Variants in NECTIN2 observed in about 807,000 individuals in gnomAD.
The protein encoded by NECTIN2 is nectin-2.
Under a neutral mutation model 56.9 loss-of-function variants are expected in NECTIN2, and 23 were observed. The ratio of observed to expected loss-of-function variants is 0.40; its 90% confidence interval spans 0.29 to 0.57. The LOEUF is 0.57. Among genes scored for constraint, NECTIN2 ranks in the 20% least tolerant of loss-of-function variants. NECTIN2 has a pLI of 0.38. For synonymous variants in NECTIN2, 302 were observed against 313.8 expected (o/e 0.96, Z 0.40); for missense variants, 587 against 718.3 (o/e 0.82, Z 2.09).
intron 3 of NECTIN2, 84 bp from the exon 4 acceptor site, chr19:44,873,832 T>C (rs1969204770): frequency 1.9e-6 from 2 of 1,046,090 alleles, no homozygotes. Flanking sequence ...GCCCCGTTTC[T>C]TTAGCATTCC....
chr19:44,853,479 G>A (rs185811184), intron 1 of NECTIN2, among the ~76,000 whole-genome samples: 72 of 147,650 alleles, frequency 4.9e-4, no homozygotes, highest in African/African-American at 1.8e-3. Context: ...ACAGGCGTGA[G>A]CCACCACAGC....
Position 44,874,377 on chromosome 19 carries a change from T to C in NECTIN2, c.941T>C (p.Leu314Pro). 6.2e-7 allele frequency: 1 copy of C among 1,614,172 alleles called. No individual in the cohort carries two copies. The highest frequency in any genetic ancestry group is 8.5e-7 in the Non-Finnish European group (1 of 1,180,008). The change falls in exon 5 of 9, where the codon CTG (leucine) becomes CCG (proline). Residue 314 changes from leucine to proline, a missense_variant. Transcript: ENST00000252483. The surrounding 1 kb of genome is among the most constrained non-coding windows in gnomAD (Gnocchi z 6.3). ...PTSAVAQGSQ[L>P]VIHAVDSLFN... Reference sequence around the variant, plus strand: ...TCCGCAGTGGCCCAGGGCTCCCAGCTGGTCATCCACGCAGTGGACAGTCTG... The same window carrying C: ...TCCGCAGTGGCCCAGGGCTCCCAGCCGGTCATCCACGCAGTGGACAGTCTG...
intron 5 of NECTIN2, chr19:44,878,370 CAGG>C (rs749323439): frequency 7.7e-6 from 12 of 1,553,402 alleles, no homozygotes; most frequent in Middle Eastern, 1.7e-4. Context: ...CCTGGAGGAG[CAGG>C]AGGAGGAGCC....
Position 44,885,675 on chromosome 19 carries a change from C to T in NECTIN2, c.1197-262C>T, listed in dbSNP as rs1004899290. Among the ~76,000 whole-genome samples, 4 of 152,154 alleles carry T rather than the reference C, an allele frequency of 2.6e-5. No homozygotes were observed. In the East Asian group the frequency reaches 7.7e-4, roughly 29 times the overall value. On this transcript the variant is annotated intron_variant, in intron 6 of 8. Coordinates refer to ENST00000252483, the MANE Select transcript of NECTIN2 (RefSeq NM_001042724.2). The stretch of plus-strand genomic sequence containing the variant: ...GGCATGGTAATTATAAATAACATTT[C>T]AAGTACAAATTCAGTAAGTGCCCTG...
chr19:44,883,538 G>T (rs566906530), intron 6 of NECTIN2, among the ~76,000 whole-genome samples: 1 of 152,316 alleles, frequency 6.6e-6, no homozygotes, highest in African/African-American at 2.4e-5. Context: ...GCCTCCCAAA[G>T]TGCTAAGATC....
intron 1 of NECTIN2, among the ~76,000 whole-genome samples, chr19:44,862,109 A>G (rs1047456787): frequency 3.3e-5 from 5 of 152,232 alleles, no homozygotes; most frequent in Non-Finnish European, 7.3e-5. Flanking sequence ...CCCATCATGG[A>G]TAGACTGGAT....
chr19:44,876,536 C>T (rs962044440), intron 5 of NECTIN2, among the ~76,000 whole-genome samples: 1 of 152,130 alleles, frequency 6.6e-6, no homozygotes, highest in East Asian at 1.9e-4. Context: ...CTAGAAATCC[C>T]GTCTCAAGCA....
At chr19:44,856,927 G>A (rs779046845) in intron 1 of NECTIN2, among the ~76,000 whole-genome samples, 15 of 152,220 alleles carry the variant, frequency 9.9e-5, no homozygotes, top group African/African-American at 1.9e-4. Flanking sequence ...TGCAGCAGGC[G>A]GCTGACCCCT....
chr19:44,864,014 C>CA (rs967312266), intron 1 of NECTIN2, among the ~76,000 whole-genome samples: 3 of 150,436 alleles, frequency 2.0e-5, no homozygotes, highest in Non-Finnish European at 4.4e-5. Flanking sequence ...CAGAGGATTC[C>CA]CCCCCCCCAA....
At chr19:44,873,515 C>T (rs1254162009) in intron 3 of NECTIN2, among the ~76,000 whole-genome samples, 1 of 152,154 alleles carries the variant, frequency 6.6e-6, no homozygotes, top group Non-Finnish European at 1.5e-5. Flanking sequence ...TGCCTGTAAT[C>T]CCAGCCATTT....
chr19:44,860,898 T>C (rs1458650503), intron 1 of NECTIN2, among the ~76,000 whole-genome samples: 1 of 151,672 alleles, frequency 6.6e-6, no homozygotes, highest in Non-Finnish European at 1.5e-5. Flanking sequence ...GCCTTAATTG[T>C]ATACTTTAAA....
intron 1 of NECTIN2, among the ~76,000 whole-genome samples, chr19:44,850,995 C>T (rs1400279816): frequency 6.6e-6 from 1 of 152,094 alleles, no homozygotes; most frequent in Non-Finnish European, 1.5e-5. Context: ...CCCAGCTCCT[C>T]CTCCCCTAGA....
intron 1 of NECTIN2, among the ~76,000 whole-genome samples, chr19:44,851,237 C>T (rs963784319): frequency 2.6e-5 from 4 of 151,450 alleles, no homozygotes; most frequent in African/African-American, 9.7e-5. Flanking sequence ...GAGTCCAGGC[C>T]CCCATCCTTC....
chr19:44,878,783 CTG>C, intron 5 of NECTIN2: 1 of 1,416,400 alleles, frequency 7.1e-7, no homozygotes, highest in Non-Finnish European at 9.2e-7. Flanking sequence ...GAACAGCACA[CTG>C]GACTTCTCCC....
At chr19:44,887,364 C>G (rs370596221) in intron 8 of NECTIN2, among the ~76,000 whole-genome samples, 5 of 151,730 alleles carry the variant, frequency 3.3e-5, no homozygotes, top group Admixed American at 2.0e-4. Flanking sequence ...AGAAAAAGGC[C>G]GGGTGCGGTT....
chr19:44,879,784 A>C (rs1365299884), intron 5 of NECTIN2, among the ~76,000 whole-genome samples: 1 of 152,172 alleles, frequency 6.6e-6, no homozygotes, highest in Non-Finnish European at 1.5e-5. Flanking sequence ...CGTGGGACCC[A>C]GTAAGGACAT....
chr19:44,878,844 A>G (rs1389706033), intron 5 of NECTIN2: 5 of 1,324,214 alleles, frequency 3.8e-6, no homozygotes, highest in Non-Finnish European at 4.8e-6. Flanking sequence ...GTGGGGATCC[A>G]GAGAGGACCC....
At position 44,876,084 on chromosome 19, in the gene NECTIN2, C is replaced by T. The variant is rs564806494; in HGVS notation, c.1042+1606C>T. 4.6e-5 allele frequency among the ~76,000 whole-genome samples: 7 copies of T among 152,198 alleles called. No homozygotes were observed. The East Asian group carries it at 1.2e-3, about 25-fold the overall frequency. ...AGGAGCTTCTTCCCAGGAACCCTCC[C>T]GAAACTCCCCGAAACTCCTCCGAAA... On this transcript the variant is annotated intron_variant, in intron 5 of 8. Transcript: ENST00000252483.
chr19:44,858,140 A>G (rs958745990), intron 1 of NECTIN2, among the ~76,000 whole-genome samples: 1 of 151,954 alleles, frequency 6.6e-6, no homozygotes, highest in African/African-American at 2.4e-5. Context: ...GCTCAGACTG[A>G]TCTGAGCTAT....
Sources: allele counts gnomAD v4.1 joint callset (sites outside exome capture counted in the v4.1 genomes callset), GRCh38; gene constraint gnomAD v4.1.1; non-coding constraint Gnocchi (gnomAD v3.1); transcripts MANE v1.5; gene names NCBI Gene and HGNC (gene_info 2026-07-23, HGNC 2026-07-21).